The following FBXL7 variants were observed in gnomAD, a reference collection of about 807,000 sequenced individuals.
FBXL7 encodes the protein F-box and leucine rich repeat protein 7.
Under a neutral mutation model 38.3 loss-of-function variants are expected in FBXL7, and 12 were observed. That is an observed-to-expected ratio of 0.31 (90% confidence interval 0.20 to 0.51). FBXL7 has a LOEUF of 0.51. Among genes scored for constraint, FBXL7 ranks in the 20% least tolerant of loss-of-function variants. The probability of loss-of-function intolerance (pLI) is 0.98; values close to 1 mark genes in which losing one functional copy is unlikely to be tolerated. For synonymous variants in FBXL7, 297 were observed against 300.9 expected, an observed-to-expected ratio of 0.99 and a Z score of 0.13; for missense variants, 567 against 676.4, an observed-to-expected ratio of 0.84 and a Z score of 1.79.
chr5:15,696,592 T>C (rs1489072728), intron 2 of FBXL7, among the ~76,000 whole-genome samples: 1 of 152,228 alleles, frequency 6.6e-6, no homozygotes, highest in Non-Finnish European at 1.5e-5. Flanking sequence ...TTCCTTGCAA[T>C]ATTGCTTACG....
chr5:15,587,047 C>T (rs1361808548), intron 1 of FBXL7, among the ~76,000 whole-genome samples: 1 of 152,168 alleles, frequency 6.6e-6, no homozygotes, highest in Non-Finnish European at 1.5e-5. Context: ...TCCTTCTGAA[C>T]CTCAGTGGCC....
chr5:15,773,531 C>G (rs1293918782), intron 2 of FBXL7, among the ~76,000 whole-genome samples: 1 of 151,856 alleles, frequency 6.6e-6, no homozygotes, highest in Non-Finnish European at 1.5e-5. Flanking sequence ...CATATGGTCC[C>G]AGCTACTCAA....
intron 2 of FBXL7, among the ~76,000 whole-genome samples, chr5:15,744,974 T>A (rs1735978347): frequency 6.6e-6 from 1 of 152,072 alleles, no homozygotes; most frequent in Non-Finnish European, 1.5e-5. Flanking sequence ...ATGATTCAAT[T>A]ACCTCCCACC....
chr5:15,822,871 C>A (rs535691911), intron 2 of FBXL7, among the ~76,000 whole-genome samples: 3 of 152,222 alleles, frequency 2.0e-5, no homozygotes, highest in African/African-American at 7.2e-5. Flanking sequence ...TGAAATAGAT[C>A]TCTGGGTCTC....
intron 2 of FBXL7, among the ~76,000 whole-genome samples, chr5:15,795,953 T>C (rs1561129617): frequency 6.6e-6 from 1 of 152,214 alleles, no homozygotes; most frequent in Non-Finnish European, 1.5e-5. Flanking sequence ...AAATTTCTTA[T>C]TCTTAAATGT....
At chr5:15,616,555 T>C (rs1224971072) in intron 2 of FBXL7, among the ~76,000 whole-genome samples, 1 of 152,168 alleles carries the variant, frequency 6.6e-6, no homozygotes, top group Non-Finnish European at 1.5e-5. Context: ...GTTTCTTTAT[T>C]ATTATTAAAG....
At chr5:15,761,708 T>C (rs1736451715) in intron 2 of FBXL7, among the ~76,000 whole-genome samples, 1 of 152,126 alleles carries the variant, frequency 6.6e-6, no homozygotes, top group Admixed American at 6.6e-5. Flanking sequence ...CACACCCAGC[T>C]AAGTTTTTGT....
At chr5:15,734,477 G>A (rs1192058335) in intron 2 of FBXL7, among the ~76,000 whole-genome samples, 1 of 152,192 alleles carries the variant, frequency 6.6e-6, no homozygotes, top group East Asian at 1.9e-4. Flanking sequence ...AAGACATATA[G>A]GAGTGGTTGT....
intron 2 of FBXL7, among the ~76,000 whole-genome samples, chr5:15,651,702 G>A (rs1469184101): frequency 6.6e-6 from 1 of 152,158 alleles, no homozygotes; most frequent in African/African-American, 2.4e-5. Flanking sequence ...ATTCATCAGA[G>A]CCCTAAGATT....
At chr5:15,822,312 A>C (rs1738191991) in intron 2 of FBXL7, among the ~76,000 whole-genome samples, 1 of 151,722 alleles carries the variant, frequency 6.6e-6, no homozygotes, top group Non-Finnish European at 1.5e-5. Flanking sequence ...CAGTGAGCCG[A>C]GATCACACCA....
intron 2 of FBXL7, among the ~76,000 whole-genome samples, chr5:15,878,058 C>T (rs1004690143): frequency 6.6e-6 from 1 of 152,126 alleles, no homozygotes; most frequent in East Asian, 1.9e-4. Context: ...AAAACCCAGA[C>T]CAATGAGCTC....
At chr5:15,758,070 T>A (rs920158692) in intron 2 of FBXL7, among the ~76,000 whole-genome samples, 1 of 151,886 alleles carries the variant, frequency 6.6e-6, no homozygotes, top group Admixed American at 6.6e-5. Flanking sequence ...CCAAGTAGAG[T>A]TGGCAGGCAG....
chr5:15,607,711 T>C (rs964600731), intron 1 of FBXL7, among the ~76,000 whole-genome samples: 1 of 152,222 alleles, frequency 6.6e-6, no homozygotes, highest in Non-Finnish European at 1.5e-5. Flanking sequence ...GCTGAGTTAA[T>C]AGTGTGTCCC....
Position 15,936,585 on chromosome 5 carries a change from C to A in FBXL7, c.875C>A (p.Thr292Asn), listed in dbSNP as rs202118294. Residue 292 changes from threonine (T) to asparagine (N), a missense_variant, in exon 4 of 4, where the codon ACC becomes AAC. Transcript: ENST00000504595. The surrounding 1 kb of genome is among the most constrained non-coding windows in gnomAD (Gnocchi z 6.0). ...GTGCTGGAGGACGAAGGCCTGCACACCATCGCGGCGCACTGCACGCAGCTC... is the reference window on the plus strand; with the variant it reads ...GTGCTGGAGGACGAAGGCCTGCACAACATCGCGGCGCACTGCACGCAGCTC... ...CFVLEDEGLHTIAAHCTQLTH... is the reference protein window; with the variant it reads ...CFVLEDEGLHNIAAHCTQLTH... The A allele has an allele frequency of 3.7e-6, 6 of 1,612,070 alleles. No individual in the cohort carries two copies. In the South Asian group the frequency reaches 6.6e-5, roughly 18 times the overall value.
intron 2 of FBXL7, among the ~76,000 whole-genome samples, chr5:15,646,454 T>A (rs1219439390): frequency 1.3e-5 from 2 of 152,170 alleles, no homozygotes; most frequent in East Asian, 3.9e-4. Context: ...AGGAAATAAT[T>A]TTCACCAAGT....
chr5:15,581,980 C>T (rs1430685670), intron 1 of FBXL7, among the ~76,000 whole-genome samples: 2 of 152,148 alleles, frequency 1.3e-5, no homozygotes, highest in South Asian at 2.1e-4. Context: ...TTCTGTGTCC[C>T]AGGCTGGAGT....
At chr5:15,585,511 A>T (rs756719772) in intron 1 of FBXL7, among the ~76,000 whole-genome samples, 10 of 152,272 alleles carry the variant, frequency 6.6e-5, no homozygotes, top group Non-Finnish European at 1.5e-4. Context: ...GCCAACAGTC[A>T]TCGTTAGCTA....
At chr5:15,927,785 A>AAAAAAAAT in intron 2 of FBXL7, 105 bp from the exon 3 acceptor site, 51 of 800,942 alleles carry the variant, frequency 6.4e-5, no homozygotes, top group Non-Finnish European at 7.9e-5. Flanking sequence ...AAAAAAAAAA[A>AAAAAAAAT]AAGAAGAAGA....
chr5:15,713,131 T>C (rs1248404809), intron 2 of FBXL7, among the ~76,000 whole-genome samples: 1 of 152,148 alleles, frequency 6.6e-6, no homozygotes, highest in African/African-American at 2.4e-5. Flanking sequence ...AAAAAGAGGT[T>C]TAAGGGATGT....
Sources: gnomAD v4.1 joint callset for allele counts (sites outside exome capture counted in the v4.1 genomes callset) on GRCh38, gnomAD v4.1.1 for gene constraint, Gnocchi (gnomAD v3.1) non-coding constraint, MANE v1.5 for transcripts, NCBI Gene and HGNC (gene_info 2026-07-23, HGNC 2026-07-21) for gene names.